The following SYNCRIP variants were observed in gnomAD, a reference collection of about 807,000 sequenced individuals.
SYNCRIP encodes the protein heterogeneous nuclear ribonucleoprotein Q.
SYNCRIP carries 9 observed loss-of-function variants against 68.9 expected under a neutral mutation model. The observed-to-expected ratio is 0.13, with a 90% CI of 0.08 to 0.23. The LOEUF is 0.23. Among genes scored for constraint, SYNCRIP ranks in the 10% least tolerant of loss-of-function variants. The probability of loss-of-function intolerance (pLI) is 1.00; values close to 1 mark genes in which losing one functional copy is unlikely to be tolerated. For synonymous variants in SYNCRIP, 258 were observed against 254.0 expected, an observed-to-expected ratio of 1.02 and a Z score of -0.15; for missense variants, 414 against 770.6, an observed-to-expected ratio of 0.54 and a Z score of 5.48.
In SYNCRIP at chr6:85,640,679, C is replaced by G. The variant is rs575815222; in HGVS notation, c.149-115G>C. On this transcript the variant is annotated intron_variant, in intron 2 of 10. Transcript: ENST00000369622. Reference sequence around the variant, plus strand: ...TTTACAATTCTTCTACTCCCCTCATCTATACCTGAAAAAAAAAAAACACAC... The same window carrying G: ...TTTACAATTCTTCTACTCCCCTCATGTATACCTGAAAAAAAAAAAACACAC... 1.7e-3 allele frequency: 922 copies of G among 542,808 alleles called. 9 individuals carry two copies. Among genetic ancestry groups the G allele is most frequent in the South Asian group, 2.9e-3 (82 of 28,746 alleles). 33.6% of individuals were successfully genotyped at this position (542,808 alleles called of 1,614,324 possible).
rs541175722 is a variant in SYNCRIP at position 85,627,285 on chromosome 6, A to C, written c.667-3173T>G. Among the ~76,000 whole-genome samples, 3 of 151,952 alleles carry C rather than the reference A, an allele frequency of 2.0e-5. No individual in the cohort carries two copies. In the South Asian group the frequency reaches 6.2e-4, roughly 32 times the overall value. ...TCCATCTCTACAAAAAAAAAAAAAA[A>C]AAACTTGGAACAATTGTATTACAGG... is the stretch of plus-strand genomic sequence containing the variant. On this transcript the variant is annotated intron_variant, in intron 6 of 10. Transcript: ENST00000369622.
downstream of SYNCRIP, chr6:85,612,999 T>C: frequency 6.7e-7 from 1 of 1,494,918 alleles, no homozygotes; most frequent in Admixed American, 2.1e-5. Context: ...ATGATAACAT[T>C]AAAAAGACAA....
At chr6:85,634,991 C>G (rs1729689198) in intron 6 of SYNCRIP, among the ~76,000 whole-genome samples, 2 of 151,984 alleles carry the variant, frequency 1.3e-5, no homozygotes, top group Admixed American at 6.6e-5. Context: ...CCAACATAAC[C>G]CCATCTCTAC....
chr6:85,640,626 A>G (rs927293636), intron 2 of SYNCRIP, 62 bp from the exon 3 acceptor site: 7 of 1,017,578 alleles, frequency 6.9e-6, no homozygotes, highest in South Asian at 3.4e-5. Flanking sequence ...AGAGAAGACT[A>G]TGTTGGCAAT....
upstream of SYNCRIP, chr6:85,643,833 C>G (rs1235805977): frequency 2.0e-5 from 3 of 152,262 alleles, no homozygotes; most frequent in South Asian, 4.1e-4. Context: ...GCCACCGCCC[C>G]GCGCTCTCCT....
chr6:85,613,400 CTTTA>C (rs1375689529), downstream of SYNCRIP, among the ~76,000 whole-genome samples: 1 of 152,126 alleles, frequency 6.6e-6, no homozygotes, highest in African/African-American at 2.4e-5. Context: ...TCACATGTAA[CTTTA>C]TTGTCAGGTA....
At chr6:85,621,238 G>A (rs1274169791) in intron 8 of SYNCRIP, among the ~76,000 whole-genome samples, 1 of 152,084 alleles carries the variant, frequency 6.6e-6, no homozygotes, top group African/African-American at 2.4e-5. Flanking sequence ...ATAGCTCCCT[G>A]GCAGTTCATA....
At position 85,624,131 on chromosome 6, in the gene SYNCRIP, C is replaced by T. The variant is rs1433563614; in HGVS notation, c.667-19G>A. On this transcript the variant is annotated intron_variant, in intron 6 of 10. Transcript: ENST00000369622. ...TATTATACTGAAAGGGGAAAAAGTG[C>T]ATCATGTTTTTAAATTACTTATACA... 2 of 1,605,110 alleles carry T rather than the reference C, an allele frequency of 1.2e-6. No individual in the cohort carries two copies. The highest frequency in any genetic ancestry group is 8.5e-7 in the Non-Finnish European group (1 of 1,175,502).
downstream of SYNCRIP, chr6:85,612,098 G>C (rs954990433): frequency 2.5e-4 from 38 of 152,112 alleles, no homozygotes; most frequent in Non-Finnish European, 1.8e-4. Flanking sequence ...GGCCTGTTAT[G>C]ATGGTCATGA....
intron 6 of SYNCRIP, among the ~76,000 whole-genome samples, chr6:85,628,421 A>C (rs149841349): frequency 7.7e-4 from 117 of 152,252 alleles, no homozygotes; most frequent in African/African-American, 2.7e-3. Flanking sequence ...AAATAAACCT[A>C]TTTCTTTCCC....
chr6:85,642,165 C>T (rs1367787629), intron 1 of SYNCRIP, among the ~76,000 whole-genome samples: 6 of 152,158 alleles, frequency 3.9e-5, no homozygotes, highest in Non-Finnish European at 8.8e-5. Context: ...CAATCTCTCC[C>T]CTGAACACCG....
intron 7 of SYNCRIP, among the ~76,000 whole-genome samples, chr6:85,623,562 CA>C (rs67258131): frequency 0.44 from 27,511 of 63,064 alleles, 3,201 homozygotes; most frequent in Middle Eastern, 0.63. Flanking sequence ...AGACTGTCTC[CA>C]AAAAAAAAAA....
At chr6:85,627,193 G>A (rs1404674417) in intron 6 of SYNCRIP, among the ~76,000 whole-genome samples, 2 of 151,390 alleles carry the variant, frequency 1.3e-5, no homozygotes, top group African/African-American at 4.9e-5. Flanking sequence ...ACTTGAAACT[G>A]GGCGGCAGGG....
At chr6:85,640,617 G>A in intron 2 of SYNCRIP, 53 bp from the exon 3 acceptor site, 1 of 1,178,930 alleles carries the variant, frequency 8.5e-7, no homozygotes, top group Non-Finnish European at 1.2e-6. Context: ...AGATTTTTTA[G>A]AGAAGACTAT....
chr6:85,614,705 G>T lies in SYNCRIP; in HGVS notation c.*51C>A. On this transcript the variant is annotated 3_prime_UTR_variant, in exon 11 of 11. Coordinates refer to ENST00000369622, the MANE Select transcript of SYNCRIP (RefSeq NM_006372.5). The stretch of plus-strand genomic sequence containing the variant: ...AGCGGCACCCGTTCAGATTTAGGGT[G>T]AGTTTCTGATCAACCTATCAGTCTC... 6.6e-7 allele frequency: 1 copy of T among 1,508,604 alleles called. No homozygotes were observed. The highest frequency in any genetic ancestry group is 1.4e-5 in the South Asian group (1 of 73,348). The allele number at this position is 1,508,604 out of a possible 1,614,324, so 93.5% of individuals were successfully genotyped here. A position where few individuals can be genotyped will look rare whatever the true frequency, so the allele number is the denominator to read the frequency against.
chr6:85,632,185 T>C (rs143647340), intron 6 of SYNCRIP, among the ~76,000 whole-genome samples: 7 of 152,330 alleles, frequency 4.6e-5, no homozygotes, highest in Non-Finnish European at 1.0e-4. Flanking sequence ...GAGAAACTAT[T>C]CATTGCTGTA....
chr6:85,622,819 T>C lies in SYNCRIP; in HGVS notation c.803-132A>G, dbSNP rs1353415798. 1.1e-5 allele frequency: 8 copies of C among 713,076 alleles called. No individual in the cohort carries two copies. In the East Asian group the frequency reaches 1.3e-4, roughly 12 times the overall value. 44.2% of individuals were successfully genotyped at this position (713,076 alleles called of 1,614,324 possible). A position where few individuals can be genotyped will look rare whatever the true frequency, so the allele number is the denominator to read the frequency against. Reference sequence around the variant, plus strand: ...ATCTCTTTCCTTCACTAGACATCTTTATAAAAGACTATCAAAAACTAGGTC... The same window carrying C: ...ATCTCTTTCCTTCACTAGACATCTTCATAAAAGACTATCAAAAACTAGGTC... On this transcript the variant is annotated intron_variant, in intron 7 of 10. Transcript: ENST00000369622.
chr6:85,611,281 A>G (rs1805220200), downstream of SYNCRIP: 1 of 152,518 alleles, frequency 6.6e-6, no homozygotes, highest in Non-Finnish European at 1.5e-5. Flanking sequence ...AAAAAAAATA[A>G]AAACTTTATT....
At chr6:85,609,406 C>G (rs1805071912), downstream of SYNCRIP, 1 of 151,878 alleles carries the variant, frequency 6.6e-6, no homozygotes, top group Non-Finnish European at 1.5e-5. Context: ...CTTTTATATA[C>G]AATAACTCAG....
Sources: gnomAD v4.1 joint callset for allele counts (sites outside exome capture counted in the v4.1 genomes callset) on GRCh38, gnomAD v4.1.1 for gene constraint, MANE v1.5 for transcripts, NCBI Gene and HGNC (gene_info 2026-07-23, HGNC 2026-07-21) for gene names.